Variants in ITCH observed in about 807,000 individuals in gnomAD.
ITCH encodes the protein E3 ubiquitin-protein ligase Itchy homolog.
In ITCH, 28 loss-of-function variants were observed where a neutral mutation model predicts 126.8. That is an observed-to-expected ratio of 0.22 (90% CI 0.16 to 0.30). The LOEUF (loss-of-function observed/expected upper bound fraction) is 0.30, where lower values mean the gene tolerates loss of function less well. ITCH is among the 10% of genes least tolerant of loss of function. The pLI, the probability that ITCH is intolerant of heterozygous loss-of-function variation, is 1.00. For missense variants in ITCH, 631 were observed against 1,032.4 expected, an observed-to-expected ratio of 0.61 and a Z score of 5.33; for synonymous variants, 342 against 340.0, an observed-to-expected ratio of 1.01 and a Z score of -0.06.
At chr20:34,503,885 G>GTTTT (rs11167236) in intron 23 of ITCH, among the ~76,000 whole-genome samples, 7 of 109,618 alleles carry the variant, frequency 6.4e-5, no homozygotes, top group African/African-American at 1.0e-4. Flanking sequence ...TTTTTTTTTG[G>GTTTT]TTTTTTTTTT....
chr20:34,392,985 A>G (rs2038539621), intron 2 of ITCH, among the ~76,000 whole-genome samples: 1 of 152,152 alleles, frequency 6.6e-6, no homozygotes, highest in African/African-American at 2.4e-5. Context: ...ATGCTATTTA[A>G]AGCTATCTGG....
chr20:34,398,864 CATAAG>C (rs200144390), intron 3 of ITCH, among the ~76,000 whole-genome samples: 1,839 of 152,062 alleles, frequency 0.012, 28 homozygotes, highest in African/African-American at 0.042. Context: ...AAACAGAGAA[CATAAG>C]ATAAAAGACA....
At chr20:34,433,697 G>A (rs957739841) in intron 7 of ITCH, among the ~76,000 whole-genome samples, 7 of 147,874 alleles carry the variant, frequency 4.7e-5, no homozygotes, top group Non-Finnish European at 1.0e-4. Context: ...TGAAAAGAAA[G>A]CGATTAAATT....
chr20:34,436,536 A>G (rs890989042), intron 7 of ITCH, among the ~76,000 whole-genome samples: 2 of 152,204 alleles, frequency 1.3e-5, no homozygotes, highest in African/African-American at 4.8e-5. Context: ...CATTCAGACC[A>G]TGTTCTGCAG....
At chr20:34,430,565 C>G (rs1332239493) in intron 7 of ITCH, among the ~76,000 whole-genome samples, 1 of 152,172 alleles carries the variant, frequency 6.6e-6, no homozygotes, top group East Asian at 1.9e-4. Flanking sequence ...CCTCTGCCTC[C>G]TGGGTTCAAG....
intron 24 of ITCH, among the ~76,000 whole-genome samples, chr20:34,507,419 T>A (rs1990709213): frequency 6.6e-6 from 1 of 151,924 alleles, no homozygotes. Flanking sequence ...TTATTGGTCA[T>A]TTGTATGTCT....
intron 11 of ITCH, among the ~76,000 whole-genome samples, chr20:34,446,721 A>C (rs1458024476): frequency 1.3e-5 from 2 of 152,110 alleles, no homozygotes; most frequent in Non-Finnish European, 2.9e-5. Flanking sequence ...CTAGGTTTGA[A>C]TACCTAGCTT....
chr20:34,389,530 A>G (rs971611255), intron 2 of ITCH, among the ~76,000 whole-genome samples: 3 of 152,118 alleles, frequency 2.0e-5, no homozygotes, highest in African/African-American at 7.2e-5. Context: ...AAAGAGAAAC[A>G]CTTGAGGGTG....
intron 14 of ITCH, 119 bp downstream of exon 14, chr20:34,462,340 G>C (rs1206582223): frequency 1.9e-6 from 2 of 1,041,654 alleles, no homozygotes; most frequent in Admixed American, 1.9e-5. Flanking sequence ...CTTGACAATA[G>C]GTTTCTGTTC....
rs571593875 is a variant in ITCH, at chr20:34,445,266, T to G, written c.966-21T>G. On this transcript the variant is annotated intron_variant, in intron 10 of 24. Coordinates refer to ENST00000374864, the MANE Select transcript of ITCH (RefSeq NM_031483.7). Reference sequence around the variant, plus strand: ...GTATTTGTTGAATTAGCTTGTTTTTTTTTTTTTTTTTCTGATTTAGCTGGG... The same window carrying G: ...GTATTTGTTGAATTAGCTTGTTTTTGTTTTTTTTTTTCTGATTTAGCTGGG... The G allele has an allele frequency of 5.0e-5, 80 of 1,595,104 alleles. No homozygotes were observed. The African/African-American group carries it at 9.7e-4, about 19-fold the overall frequency.
At position 34,510,978 on chromosome 20, in the gene ITCH, G is replaced by A. The variant is rs1175376633; in HGVS notation, c.*3184G>A. On this transcript the variant is annotated 3_prime_UTR_variant, in exon 25 of 25. Coordinates refer to ENST00000374864, the MANE Select transcript of ITCH (RefSeq NM_031483.7). ...CACTCTACCACTTTTTACTTATCTG[G>A]TTAATAATCCGAAATGTTACCGGGG... The A allele has an allele frequency of 2.6e-5, 4 of 152,074 alleles. No individual in the cohort carries two copies. Among genetic ancestry groups the A allele is most frequent in the South Asian group, 4.1e-4 (2 of 4,822 alleles). The allele number at this position is 152,074 out of a possible 1,614,324, so 9.4% of individuals were successfully genotyped here.
intron 3 of ITCH, chr20:34,402,511 A>G (rs2038922638): frequency 1.3e-6 from 1 of 756,154 alleles, no homozygotes; most frequent in Non-Finnish European, 2.5e-6. Context: ...ATAACTCAGC[A>G]GTCATAATCC....
chr20:34,474,206 C>T lies in ITCH; in HGVS notation c.1569+2691C>T, dbSNP rs1163098559. 4.0e-5 allele frequency among the ~76,000 whole-genome samples: 6 copies of T among 151,042 alleles called. No individual in the cohort carries two copies. The East Asian group carries it at 5.8e-4, about 15-fold the overall frequency. On this transcript the variant is annotated intron_variant, in intron 16 of 24. Transcript: ENST00000374864. ...TTATTGATCATTCTTGGGTGTTTCT[C>T]GCAGAGGGGGATTTGGCAGGGTCAT...
At chr20:34,472,928 T>G (rs989703622) in intron 16 of ITCH, among the ~76,000 whole-genome samples, 1 of 152,212 alleles carries the variant, frequency 6.6e-6, no homozygotes, top group Non-Finnish European at 1.5e-5. Flanking sequence ...TGGACGAGTT[T>G]CTTGAAGCAA....
At chr20:34,381,571 C>T (rs1011479056) in intron 2 of ITCH, among the ~76,000 whole-genome samples, 3 of 151,928 alleles carry the variant, frequency 2.0e-5, no homozygotes, top group African/African-American at 7.3e-5. Context: ...GGACTACAGG[C>T]GCACGCCACC....
intron 17 of ITCH, among the ~76,000 whole-genome samples, chr20:34,479,120 CTG>C (rs1251747429): frequency 6.6e-6 from 1 of 152,120 alleles, no homozygotes; most frequent in Non-Finnish European, 1.5e-5. Context: ...TTTACTGCCT[CTG>C]TGAAATTGGA....
At chr20:34,486,129 C>A (rs924735026) in intron 20 of ITCH, among the ~76,000 whole-genome samples, 5 of 152,080 alleles carry the variant, frequency 3.3e-5, no homozygotes, top group African/African-American at 9.7e-5. Context: ...AGCCTCCCAC[C>A]TCAGCCTTCC....
intron 16 of ITCH, among the ~76,000 whole-genome samples, chr20:34,474,562 T>A (rs1600436890): frequency 1.3e-5 from 2 of 152,230 alleles, no homozygotes; most frequent in Non-Finnish European, 2.9e-5. Flanking sequence ...CATGTATACT[T>A]CTTTCTGCAC....
chr20:34,479,442 C>G (rs1187649599), intron 17 of ITCH, among the ~76,000 whole-genome samples, 188 bp from the exon 18 acceptor site: 1 of 152,038 alleles, frequency 6.6e-6, no homozygotes, highest in East Asian at 1.9e-4. Flanking sequence ...TACCATCTAC[C>G]AAAGATGGTG....
Sources: gnomAD v4.1 joint callset for allele counts (sites outside exome capture counted in the v4.1 genomes callset) on GRCh38, gnomAD v4.1.1 for gene constraint, MANE v1.5 for transcripts, NCBI Gene and HGNC (gene_info 2026-07-23, HGNC 2026-07-21) for gene names.